Variants in IGSF11 observed in about 807,000 individuals in gnomAD.
The protein encoded by IGSF11 is CXADR like 1.
A neutral mutation model predicts 41.0 loss-of-function variants in IGSF11; 22 were observed. The observed-to-expected ratio is 0.54, with a 90% CI of 0.38 to 0.77. The LOEUF is 0.77. Among genes scored for constraint, IGSF11 ranks in the 30% least tolerant of loss-of-function variants. The pLI is 0.00. For missense variants in IGSF11, 444 were observed against 530.8 expected (o/e 0.84, Z 1.61); for synonymous variants, 219 against 201.3 (o/e 1.09, Z -0.74).
intron 1 of IGSF11, among the ~76,000 whole-genome samples, chr3:118,959,953 G>A (rs1336774659): frequency 3.3e-5 from 5 of 151,874 alleles, no homozygotes; most frequent in African/African-American, 1.2e-4. Context: ...GCTGAGGCAG[G>A]AGAATGGCGT....
chr3:119,102,333 C>G (rs2076951258), intron 1 of IGSF11, among the ~76,000 whole-genome samples: 1 of 152,182 alleles, frequency 6.6e-6, no homozygotes, highest in South Asian at 2.1e-4. Context: ...CACTTTCTCT[C>G]CTTAAGGAAT....
rs1478950958 is a variant in IGSF11, at chr3:119,034,543, G to A, written c.40C>T (p.Leu14Phe). 5.7e-6 allele frequency: 9 copies of A among 1,592,392 alleles called. No homozygotes were observed. The South Asian group carries it at 6.9e-5, about 12-fold the overall frequency. Residue 14 changes from leucine (L) to phenylalanine (F), a missense_variant, in exon 1 of 7, where the codon CTC becomes TTC. Physicochemically the swap from Leu to Phe is conservative, Grantham distance 22 (BLOSUM62 0). Coordinates refer to ENST00000393775, the MANE Select transcript of IGSF11 (RefSeq NM_001015887.3). Reference protein sequence around the residue: ...QRSPLAPLLLLSLHGVAASLE... With the variant: ...QRSPLAPLLLFSLHGVAASLE... ...TGGAGCTACTCACCGTGCAGAGAGA[G>A]GAGCAGCAAAGGCGCCAGAGGGGAA...
chr3:118,912,196 G>C (rs1023255516), intron 4 of IGSF11, among the ~76,000 whole-genome samples: 1 of 152,212 alleles, frequency 6.6e-6, no homozygotes, highest in Non-Finnish European at 1.5e-5. Context: ...TCTTTAAAGT[G>C]TGAAGGTTAT....
chr3:118,928,673 C>CG lies in IGSF11; in HGVS notation c.259dup (p.Arg87ProfsTer5), dbSNP rs756300941. On this transcript the variant is annotated frameshift_variant, in exon 3 of 7. Coordinates refer to ENST00000393775, the MANE Select transcript of IGSF11 (RefSeq NM_001015887.3). LOFTEE classifies it high-confidence loss of function. ...TGTAAATCCTACCCTACCGTGGAACCGGGGGGCACCATCAAACATCTGTCC... is the reference window on the plus strand; with the variant it reads ...TGTAAATCCTACCCTACCGTGGAACCGGGGGGGCACCATCAAACATCTGTCC... The CG allele has an allele frequency of 9.3e-6, 15 of 1,613,808 alleles. No individual in the cohort carries two copies. The highest frequency in any genetic ancestry group is 2.5e-6 in the Non-Finnish European group (3 of 1,179,952).
intron 4 of IGSF11, among the ~76,000 whole-genome samples, chr3:118,913,707 A>G (rs1940648250): frequency 1.3e-5 from 2 of 152,238 alleles, no homozygotes; most frequent in South Asian, 2.1e-4. Context: ...CTGTGATGAA[A>G]GAAGCAATGG....
chr3:119,139,907 G>C (rs1559887952), intron 1 of IGSF11, among the ~76,000 whole-genome samples: 1 of 152,082 alleles, frequency 6.6e-6, no homozygotes, highest in Non-Finnish European at 1.5e-5. Flanking sequence ...CAAAGTTTTT[G>C]TATAATACTG....
chr3:118,922,155 G>A (rs1941864257), intron 4 of IGSF11, among the ~76,000 whole-genome samples: 1 of 152,060 alleles, frequency 6.6e-6, no homozygotes, highest in East Asian at 1.9e-4. Context: ...TTCCATAAAT[G>A]CAGGGATGTT....
chr3:119,136,780 C>T (rs974575365), intron 1 of IGSF11, among the ~76,000 whole-genome samples: 1 of 152,064 alleles, frequency 6.6e-6, no homozygotes, highest in South Asian at 2.1e-4. Flanking sequence ...AACAAAGAAA[C>T]TTCAGATCTT....
intron 1 of IGSF11, among the ~76,000 whole-genome samples, chr3:119,020,486 A>G (rs969454055): frequency 2.0e-5 from 3 of 152,266 alleles, no homozygotes; most frequent in African/African-American, 2.4e-5. Context: ...TGAGCAGGAA[A>G]TAACACTTCA....
chr3:119,144,049 A>C (rs1261083983), intron 1 of IGSF11, among the ~76,000 whole-genome samples: 1 of 152,186 alleles, frequency 6.6e-6, no homozygotes, highest in Non-Finnish European at 1.5e-5. Context: ...TGGAGATTTT[A>C]ATACCCCACT....
intron 1 of IGSF11, among the ~76,000 whole-genome samples, chr3:118,939,964 C>T (rs1306322246): frequency 2.6e-5 from 4 of 151,776 alleles, no homozygotes; most frequent in Admixed American, 2.6e-4. Context: ...ACCAGACTGA[C>T]AAAGAATAAA....
chr3:119,026,945 A>G (rs1366775506), intron 1 of IGSF11, among the ~76,000 whole-genome samples: 1 of 152,236 alleles, frequency 6.6e-6, no homozygotes, highest in African/African-American at 2.4e-5. Context: ...TTTGCGGCCA[A>G]TGATAAAATT....
intron 1 of IGSF11, among the ~76,000 whole-genome samples, chr3:119,127,910 A>T (rs980628184): frequency 2.6e-5 from 4 of 152,184 alleles, no homozygotes; most frequent in Admixed American, 2.6e-4. Context: ...AGAAACATTA[A>T]CTATGGAAAG....
At chr3:118,994,785 G>A (rs1034141419) in intron 1 of IGSF11, among the ~76,000 whole-genome samples, 4 of 152,146 alleles carry the variant, frequency 2.6e-5, no homozygotes, top group Non-Finnish European at 4.4e-5. Context: ...TAAGCATGGC[G>A]GCAGAGAAAT....
chr3:118,946,943 T>C (rs1466039483), intron 1 of IGSF11: 3 of 152,138 alleles, frequency 2.0e-5, no homozygotes, highest in Non-Finnish European at 4.4e-5. Context: ...GTTGAGAAAA[T>C]TGTTAAGAAT....
intron 1 of IGSF11, among the ~76,000 whole-genome samples, chr3:119,045,572 C>A (rs1426386757): frequency 6.6e-6 from 1 of 152,090 alleles, no homozygotes; most frequent in Non-Finnish European, 1.5e-5. Flanking sequence ...GGGGGAGGGG[C>A]GCCCACCATT....
At chr3:119,002,439 G>A (rs1359902233) in intron 1 of IGSF11, among the ~76,000 whole-genome samples, 2 of 148,324 alleles carry the variant, frequency 1.3e-5, no homozygotes, top group East Asian at 3.9e-4. Context: ...TCACTCTGAT[G>A]GTACTTTCTT....
At chr3:119,139,056 G>A (rs1201434762) in intron 1 of IGSF11, among the ~76,000 whole-genome samples, 3 of 152,050 alleles carry the variant, frequency 2.0e-5, no homozygotes, top group Admixed American at 1.3e-4. Flanking sequence ...AATGCTTGAG[G>A]TGACAGATAC....
chr3:118,987,394 T>G (rs1935364591), intron 1 of IGSF11, among the ~76,000 whole-genome samples: 1 of 152,132 alleles, frequency 6.6e-6, no homozygotes. Flanking sequence ...TGGTGGACAT[T>G]GAGAACTATG....
Sources: allele counts gnomAD v4.1 joint callset (sites outside exome capture counted in the v4.1 genomes callset), GRCh38; gene constraint gnomAD v4.1.1; transcripts MANE v1.5; gene names NCBI Gene and HGNC (gene_info 2026-07-23, HGNC 2026-07-21).